PDLIM5: variants seen among roughly 807,000 people sequenced by gnomAD.
PDLIM5 encodes the protein PDZ and LIM domain 5, also known as PDZ and LIM domain protein 5.
Under a neutral mutation model 64.2 loss-of-function variants are expected in PDLIM5, and 34 were observed. The observed-to-expected ratio is 0.53, with a 90% confidence interval of 0.40 to 0.71. The LOEUF is 0.71. PDLIM5 is among the 30% of genes least tolerant of loss of function. PDLIM5 has a pLI of 0.00. For missense variants in PDLIM5, 683 were observed against 733.6 expected (o/e 0.93, Z 0.80); for synonymous variants, 253 against 269.1 (o/e 0.94, Z 0.59).
intron 3 of PDLIM5, among the ~76,000 whole-genome samples, chr4:94,530,967 G>A (rs1730823271): frequency 6.6e-6 from 1 of 152,152 alleles, no homozygotes; most frequent in East Asian, 1.9e-4. Flanking sequence ...TAGAATAGAG[G>A]CAGGAGTTTA....
At chr4:94,599,183 T>C (rs191708252) in intron 7 of PDLIM5, among the ~76,000 whole-genome samples, 9 of 152,222 alleles carry the variant, frequency 5.9e-5, no homozygotes, top group Non-Finnish European at 1.3e-4. Context: ...GGAAAATTAA[T>C]TGTAAGGGAG....
chr4:94,588,758 G>T (rs1736448816), intron 7 of PDLIM5, among the ~76,000 whole-genome samples: 1 of 152,004 alleles, frequency 6.6e-6, no homozygotes, highest in Non-Finnish European at 1.5e-5. Flanking sequence ...ACATTCAAGG[G>T]TCTATTTTTA....
At chr4:94,608,207 A>C (rs186386955) in intron 7 of PDLIM5, 8 of 1,483,914 alleles carry the variant, frequency 5.4e-6, no homozygotes. Context: ...GTGTTTCTAA[A>C]TTTCAAAGCT....
At chr4:94,560,021 T>C (rs1467096548) in intron 3 of PDLIM5, among the ~76,000 whole-genome samples, 1 of 152,204 alleles carries the variant, frequency 6.6e-6, no homozygotes, top group Non-Finnish European at 1.5e-5. Flanking sequence ...CTGTTTCTTA[T>C]CTATGTGGAC....
intron 2 of PDLIM5, among the ~76,000 whole-genome samples, chr4:94,494,520 A>G (rs1353123294): frequency 2.2e-5 from 3 of 139,532 alleles, no homozygotes; most frequent in African/African-American, 7.9e-5. Context: ...GCTCACTGCA[A>G]CCCCTGCCTT....
At position 94,664,322 on chromosome 4, in the gene PDLIM5, G is replaced by A. The variant is rs189650582; in HGVS notation, c.*255G>A. 6.3e-5 allele frequency: 48 copies of A among 756,404 alleles called. No individual in the cohort carries two copies. In the African/African-American group the frequency reaches 8.0e-4, roughly 13 times the overall value. 46.9% of individuals were successfully genotyped at this position (756,404 alleles called of 1,614,324 possible). The stretch of plus-strand genomic sequence containing the variant: ...TAAGCTTTATAAAAACCAATTTCCT[G>A]ATGGACTATTAAATTCATCTTAGAA... On this transcript the variant is annotated 3_prime_UTR_variant, in exon 13 of 13. Transcript: ENST00000317968.
chr4:94,621,941 C>A (rs151091888), intron 8 of PDLIM5, among the ~76,000 whole-genome samples: 2 of 152,260 alleles, frequency 1.3e-5, no homozygotes, highest in East Asian at 3.9e-4. Flanking sequence ...TGAATTACAT[C>A]ATAATTCTTA....
intron 3 of PDLIM5, among the ~76,000 whole-genome samples, chr4:94,539,418 T>C (rs976751746): frequency 6.6e-6 from 1 of 152,112 alleles, no homozygotes; most frequent in African/African-American, 2.4e-5. Context: ...GAGGCCATGA[T>C]ATATGAAGGA....
At chr4:94,580,391 G>A (rs1735633538) in intron 5 of PDLIM5, among the ~76,000 whole-genome samples, 1 of 152,052 alleles carries the variant, frequency 6.6e-6, no homozygotes, top group African/African-American at 2.4e-5. Flanking sequence ...TGTAGTTGTG[G>A]TCTCCCTAAT....
intron 8 of PDLIM5, among the ~76,000 whole-genome samples, chr4:94,639,610 G>T (rs1300560730): frequency 6.6e-6 from 1 of 152,194 alleles, no homozygotes; most frequent in African/African-American, 2.4e-5. Flanking sequence ...TCTCCTTAGA[G>T]AATCCAGGAA....
intron 2 of PDLIM5, among the ~76,000 whole-genome samples, chr4:94,506,765 A>G (rs1728432306): frequency 2.6e-5 from 4 of 152,294 alleles, no homozygotes; most frequent in African/African-American, 9.6e-5. Context: ...TTGTTTCTGC[A>G]TATGTTTGTG....
intron 2 of PDLIM5, among the ~76,000 whole-genome samples, chr4:94,504,249 T>C (rs1250430055): frequency 6.6e-6 from 1 of 152,092 alleles, no homozygotes; most frequent in African/African-American, 2.4e-5. Flanking sequence ...TTGAAATCAC[T>C]ATGATGTGTA....
intron 7 of PDLIM5, among the ~76,000 whole-genome samples, chr4:94,604,505 G>T (rs187440727): frequency 6.6e-6 from 1 of 152,136 alleles, no homozygotes; most frequent in Non-Finnish European, 1.5e-5. Flanking sequence ...GTGGTGGCAC[G>T]TACCTGTAGT....
intron 11 of PDLIM5, among the ~76,000 whole-genome samples, chr4:94,661,556 T>C (rs901101813): frequency 7.2e-5 from 11 of 152,188 alleles, no homozygotes; most frequent in Admixed American, 6.5e-5. Flanking sequence ...AGTCATAAAA[T>C]TGAAAGGAAA....
chr4:94,522,204 G>A (rs1310187630), intron 2 of PDLIM5, among the ~76,000 whole-genome samples: 2 of 152,106 alleles, frequency 1.3e-5, no homozygotes, highest in African/African-American at 4.8e-5. Context: ...ATGTGTAATC[G>A]TGATAACCTG....
At chr4:94,629,664 A>G (rs1478496110) in intron 8 of PDLIM5, among the ~76,000 whole-genome samples, 1 of 152,228 alleles carries the variant, frequency 6.6e-6, no homozygotes, top group Non-Finnish European at 1.5e-5. Flanking sequence ...GCTGGTTGCT[A>G]ATGGAAGAAG....
intron 3 of PDLIM5, among the ~76,000 whole-genome samples, chr4:94,539,152 T>C (rs1164315604): frequency 6.6e-6 from 1 of 152,118 alleles, no homozygotes; most frequent in Admixed American, 6.6e-5. Context: ...GGATCAAGCA[T>C]AGATTAGGAA....
At chr4:94,518,346 C>T (rs1729544170) in intron 2 of PDLIM5, among the ~76,000 whole-genome samples, 1 of 152,204 alleles carries the variant, frequency 6.6e-6, no homozygotes, top group Non-Finnish European at 1.5e-5. Context: ...TCCTAAATAA[C>T]ATACTTGTTT....
chr4:94,457,153 T>C (rs946050856), intron 2 of PDLIM5: 3 of 963,684 alleles, frequency 3.1e-6, no homozygotes, highest in Non-Finnish European at 3.7e-6. Flanking sequence ...TTGTAACGCC[T>C]AAATATCCTT....
Sources: gnomAD v4.1 joint callset for allele counts (sites outside exome capture counted in the v4.1 genomes callset) on GRCh38, gnomAD v4.1.1 for gene constraint, MANE v1.5 for transcripts, NCBI Gene and HGNC (gene_info 2026-07-23, HGNC 2026-07-21) for gene names.